The following RAB38 variants were observed in gnomAD, a reference collection of about 807,000 sequenced individuals.
RAB38 encodes ras-related protein Rab-38.
A neutral mutation model predicts 18.4 loss-of-function variants in RAB38; 15 were observed. The ratio of observed to expected loss-of-function variants is 0.82; its 90% CI spans 0.55 to 1.26. The LOEUF (loss-of-function observed/expected upper bound fraction) is 1.26, where lower values mean the gene tolerates loss of function less well. Among genes scored for constraint, RAB38 ranks in the 50% most tolerant of loss-of-function variants. The pLI is 0.00. For synonymous variants in RAB38, 101 were observed against 104.4 expected, an observed-to-expected ratio of 0.97 and a Z score of 0.20; for missense variants, 294 against 267.4, an observed-to-expected ratio of 1.10 and a Z score of -0.69.
intron 2 of RAB38, among the ~76,000 whole-genome samples, chr11:88,133,818 T>A (rs1942796858): frequency 6.6e-6 from 1 of 152,188 alleles, no homozygotes; most frequent in Admixed American, 6.5e-5. Context: ...TACTCAAAAG[T>A]AATCTTATTA....
chr11:88,089,792 C>T, the RAB38 span, among the ~76,000 whole-genome samples: 2 of 151,946 alleles, frequency 1.3e-5, no homozygotes, highest in African/African-American at 4.8e-5. Flanking sequence ...AGATTTACCT[C>T]ATTTTCATCA....
the RAB38 span, among the ~76,000 whole-genome samples, chr11:87,805,627 A>G: frequency 1.3e-5 from 2 of 149,738 alleles, no homozygotes; most frequent in African/African-American, 2.4e-5. Context: ...ACACACGCAC[A>G]CACACACACA....
chr11:87,967,430 A>T, the RAB38 span, among the ~76,000 whole-genome samples: 1 of 152,116 alleles, frequency 6.6e-6, no homozygotes, highest in Non-Finnish European at 1.5e-5. Flanking sequence ...AGGATAATAT[A>T]TTTTTTTAAA....
chr11:87,910,655 T>G, the RAB38 span, among the ~76,000 whole-genome samples: 4 of 100,634 alleles, frequency 4.0e-5, no homozygotes, highest in Admixed American at 1.0e-4. Flanking sequence ...TTTTTTTTTT[T>G]TTTTGAGATG....
At chr11:88,053,235 A>G in the RAB38 span, among the ~76,000 whole-genome samples, 1 of 128,878 alleles carries the variant, frequency 7.8e-6, no homozygotes, top group South Asian at 2.3e-4. Context: ...TATGGAATAT[A>G]TATATACACA....
intron 1 of RAB38, 119 bp downstream of exon 1, chr11:88,175,064 G>C: frequency 8.1e-7 from 1 of 1,233,426 alleles, no homozygotes. Flanking sequence ...AGCCCACCAG[G>C]AAAAACTGCC....
chr11:88,054,715 C>T, the RAB38 span, among the ~76,000 whole-genome samples: 2 of 152,244 alleles, frequency 1.3e-5, no homozygotes, highest in African/African-American at 4.8e-5. Context: ...AGATGTGCTT[C>T]ACAGGGAAAG....
chr11:88,027,285 G>C, the RAB38 span, among the ~76,000 whole-genome samples: 2 of 152,260 alleles, frequency 1.3e-5, no homozygotes, highest in East Asian at 1.9e-4. Context: ...ACAGCTCCCA[G>C]TGTGAGCGAC....
the RAB38 span, among the ~76,000 whole-genome samples, chr11:88,089,739 G>A: frequency 8.3e-4 from 126 of 151,866 alleles, no homozygotes; most frequent in South Asian, 1.0e-2. Flanking sequence ...ATTTTTCCCC[G>A]TACAAAGTCA....
intron 1 of RAB38, among the ~76,000 whole-genome samples, chr11:88,153,329 A>T (rs753119926): frequency 2.0e-5 from 3 of 152,218 alleles, no homozygotes; most frequent in Admixed American, 2.0e-4. Context: ...AGACTCAGCT[A>T]AAAATACACA....
At chr11:88,039,792 T>C in the RAB38 span, among the ~76,000 whole-genome samples, 11 of 150,956 alleles carry the variant, frequency 7.3e-5, no homozygotes, top group Non-Finnish European at 1.2e-4. Context: ...GCCTTAAATG[T>C]AGAGTAAAGA....
At chr11:88,162,121 G>T (rs1389643817) in intron 1 of RAB38, among the ~76,000 whole-genome samples, 2 of 152,108 alleles carry the variant, frequency 1.3e-5, no homozygotes, top group Non-Finnish European at 2.9e-5. Context: ...TGAAATCAGA[G>T]TCAGGCTGAC....
chr11:87,943,379 A>G, the RAB38 span, among the ~76,000 whole-genome samples: 11 of 152,258 alleles, frequency 7.2e-5, no homozygotes, highest in African/African-American at 2.2e-4. Flanking sequence ...TGCACTCTAC[A>G]TCTTTCTACC....
chr11:87,818,903 C>A, the RAB38 span, among the ~76,000 whole-genome samples: 1,778 of 152,228 alleles, frequency 0.012, 23 homozygotes, highest in African/African-American at 0.04. Context: ...TGTGATTTAC[C>A]ATTCATCCAT....
At chr11:87,924,700 CT>C in the RAB38 span, among the ~76,000 whole-genome samples, 1 of 151,910 alleles carries the variant, frequency 6.6e-6, no homozygotes, top group African/African-American at 2.4e-5. Flanking sequence ...GATGGTAACT[CT>C]TTTTTTCCCT....
At chr11:88,016,566 T>C in the RAB38 span, among the ~76,000 whole-genome samples, 3 of 152,250 alleles carry the variant, frequency 2.0e-5, no homozygotes, top group East Asian at 5.8e-4. Flanking sequence ...CAGACCTTGA[T>C]AAGTCCATGG....
At chr11:87,925,910 C>T in the RAB38 span, among the ~76,000 whole-genome samples, 1 of 151,906 alleles carries the variant, frequency 6.6e-6, no homozygotes, top group African/African-American at 2.4e-5. Flanking sequence ...AAGGCTTCTT[C>T]TAACATTGAT....
intron 1 of RAB38, among the ~76,000 whole-genome samples, chr11:88,170,197 T>A (rs945669651): frequency 3.9e-5 from 6 of 152,324 alleles, no homozygotes; most frequent in African/African-American, 1.4e-4. Context: ...CTGTACACAT[T>A]ATTTACCCGT....
chr11:88,114,051 G>A lies in RAB38; in HGVS notation c.573C>T (p.Asp191=), dbSNP rs764249535. ...TTGATGTGAGATGGGGCTTCACGAC[G>A]TCCGGCTCAATAGACTCCATTAGGT... ...ECDLMESIEP[D]VVKPHLTSTK... The change falls in exon 3 of 3, where the codon GAC becomes GAT. Residue 191 remains aspartate (D), a synonymous_variant. Transcript: ENST00000243662. 9.3e-6 allele frequency: 15 copies of A among 1,614,138 alleles called. No individual in the cohort carries two copies. The highest frequency in any genetic ancestry group is 5.5e-5 in the South Asian group (5 of 91,080).
Sources: allele counts gnomAD v4.1 joint callset (sites outside exome capture counted in the v4.1 genomes callset), GRCh38; gene constraint gnomAD v4.1.1; transcripts MANE v1.5; gene names NCBI Gene and HGNC (gene_info 2026-07-23, HGNC 2026-07-21).